ZBBX: variants seen among roughly 807,000 people sequenced by gnomAD.
The protein encoded by ZBBX is zinc finger B-box domain-containing protein 1.
ZBBX carries 101 observed loss-of-function variants against 108.5 expected under a neutral mutation model. That is an observed-to-expected ratio of 0.93 (90% CI 0.79 to 1.10). The LOEUF (loss-of-function observed/expected upper bound fraction) is 1.10, where lower values mean the gene tolerates loss of function less well. Ranked by LOEUF, ZBBX falls within the 50% of genes least tolerant of loss-of-function variation. The pLI is 0.00. For synonymous variants in ZBBX, 356 were observed against 323.4 expected (o/e 1.10, Z -1.08); for missense variants, 1,009 against 941.4 (o/e 1.07, Z -0.94).
rs183777743 is a variant in ZBBX, at chr3:167,389,673, A to G, written c.-445-9268T>C. ...CTGACTTTTTAATAATTGCCATTCT[A>G]ACTGGTGAGAGATGGTATCTCATTG... On this transcript the variant is annotated intron_variant, in intron 1 of 21. Coordinates refer to the ZBBX transcript ENST00000455345. 2.1e-3 allele frequency among the ~76,000 whole-genome samples: 314 copies of G among 152,232 alleles called. 1 individual carries two copies. Among genetic ancestry groups the G allele is most frequent in the Non-Finnish European group, 3.5e-3 (239 of 67,994 alleles).
At chr3:167,360,899 T>C (rs1320472149) in intron 6 of ZBBX, among the ~76,000 whole-genome samples, 176 bp from the exon 7 acceptor site, 1 of 151,918 alleles carries the variant, frequency 6.6e-6, no homozygotes, top group Non-Finnish European at 1.5e-5. Context: ...TACCTTTTAA[T>C]TAATCTAATA....
intron 20 of ZBBX, among the ~76,000 whole-genome samples, chr3:167,267,909 C>T (rs544765287): frequency 6.6e-6 from 1 of 151,860 alleles, no homozygotes; most frequent in South Asian, 2.1e-4. Flanking sequence ...GCAGCTGCTG[C>T]TGCCCTGGAT....
rs146434084 is a variant in ZBBX at position 167,307,190 on chromosome 3, G to A, written c.1418-1240C>T. Reference sequence around the variant, plus strand: ...CCAACATCATACTGAAAGGGCAAAAGTATTCCCCTTGAAAACTGGCACAAG... The same window carrying A: ...CCAACATCATACTGAAAGGGCAAAAATATTCCCCTTGAAAACTGGCACAAG... On this transcript the variant is annotated intron_variant, in intron 16 of 21. Coordinates refer to ENST00000675490, the MANE Select transcript of ZBBX (RefSeq NM_001199201.2). 1.6e-3 allele frequency among the ~76,000 whole-genome samples: 249 copies of A among 152,170 alleles called. 1 individual carries two copies. The highest frequency in any genetic ancestry group is 4.8e-3 in the African/African-American group (198 of 41,534).
the ZBBX span, among the ~76,000 whole-genome samples, chr3:167,181,628 T>C: frequency 7.2e-5 from 11 of 152,154 alleles, no homozygotes; most frequent in Non-Finnish European, 5.9e-5. Context: ...TGCTTCCAAA[T>C]CCTCCTGTTC....
chr3:167,186,016 T>C, the ZBBX span, among the ~76,000 whole-genome samples: 1 of 152,062 alleles, frequency 6.6e-6, no homozygotes, highest in Non-Finnish European at 1.5e-5. Context: ...GCAAAGGAGA[T>C]AAATACTTTA....
chr3:167,375,893 G>C (rs1746882934), intron 2 of ZBBX, among the ~76,000 whole-genome samples: 1 of 152,118 alleles, frequency 6.6e-6, no homozygotes, highest in African/African-American at 2.4e-5. Flanking sequence ...GACTAGTTAT[G>C]TTTGTACCTT....
In ZBBX at chr3:167,350,412, A is replaced by T; in HGVS notation, c.528+8T>A. 6.3e-7 allele frequency: 1 copy of T among 1,577,648 alleles called. No homozygotes were observed. Among genetic ancestry groups the T allele is most frequent in the Non-Finnish European group, 8.6e-7 (1 of 1,159,618 alleles). The stretch of plus-strand genomic sequence containing the variant: ...ACACTACAAGTAAATCATTTTAGAA[A>T]GCCATACCTGCAAAAGAGTTGTTCT... On this transcript the variant is annotated splice_region_variant and intron_variant, in intron 9 of 21. Coordinates refer to ENST00000675490, the MANE Select transcript of ZBBX (RefSeq NM_001199201.2).
chr3:167,183,669 A>G, the ZBBX span, among the ~76,000 whole-genome samples: 40,784 of 152,166 alleles, frequency 0.27, 5,580 homozygotes, highest in African/African-American at 0.3. Context: ...GTAATCCGCC[A>G]CAGGAACATG....
chr3:167,321,100 T>A (rs1736363516), intron 12 of ZBBX, among the ~76,000 whole-genome samples: 1 of 152,042 alleles, frequency 6.6e-6, no homozygotes, highest in Admixed American at 6.6e-5. Flanking sequence ...TGTAAGATGT[T>A]ACCATTAGAG....
chr3:167,306,408 T>C (rs1481645397), intron 16 of ZBBX, among the ~76,000 whole-genome samples: 1 of 152,070 alleles, frequency 6.6e-6, no homozygotes, highest in African/African-American at 2.4e-5. Flanking sequence ...AGAGCAGCAG[T>C]TGGGGGCACA....
the ZBBX span, among the ~76,000 whole-genome samples, chr3:167,230,274 C>T: frequency 7.9e-5 from 12 of 151,868 alleles, no homozygotes; most frequent in Non-Finnish European, 1.6e-4. Context: ...TAAATCTTTG[C>T]AAAGAAAAAC....
At chr3:167,367,402 A>G (rs1745479364) in intron 5 of ZBBX, among the ~76,000 whole-genome samples, 2 of 151,910 alleles carry the variant, frequency 1.3e-5, no homozygotes, top group East Asian at 3.8e-4. Flanking sequence ...GATACTAAAA[A>G]CATAATAAAG....
chr3:167,299,995 AAC>A (rs1447391737), intron 17 of ZBBX, among the ~76,000 whole-genome samples: 2 of 152,178 alleles, frequency 1.3e-5, no homozygotes, highest in Admixed American at 1.3e-4. Context: ...CTTGTGATCC[AAC>A]AACTTAATTA....
chr3:167,364,404 C>T (rs996291943), intron 6 of ZBBX, among the ~76,000 whole-genome samples: 1 of 151,960 alleles, frequency 6.6e-6, no homozygotes, highest in Non-Finnish European at 1.5e-5. Flanking sequence ...CCTTTACTTT[C>T]GTCCTTATAA....
the ZBBX span, among the ~76,000 whole-genome samples, chr3:167,228,544 G>A: frequency 4.6e-5 from 7 of 151,886 alleles, no homozygotes; most frequent in African/African-American, 1.4e-4. Flanking sequence ...TAGTTTCTGT[G>A]ACCAAAACTT....
chr3:167,282,549 A>G, intron 19 of ZBBX, 54 bp from the exon 20 acceptor site: 2 of 1,442,414 alleles, frequency 1.4e-6, no homozygotes, highest in Non-Finnish European at 1.9e-6. Flanking sequence ...TTGAATGAGT[A>G]CTTAAAGATA....
At chr3:167,283,371 T>G (rs898223972) in intron 19 of ZBBX, among the ~76,000 whole-genome samples, 1 of 152,192 alleles carries the variant, frequency 6.6e-6, no homozygotes, top group East Asian at 1.9e-4. Flanking sequence ...AATGCTTTAA[T>G]GTAATAAATT....
downstream of ZBBX, among the ~76,000 whole-genome samples, chr3:167,237,871 A>G (rs1208549278): frequency 6.6e-6 from 1 of 151,980 alleles, no homozygotes; most frequent in Non-Finnish European, 1.5e-5. Flanking sequence ...GCAGCATCAT[A>G]TAAAATGATC....
intron 18 of ZBBX, among the ~76,000 whole-genome samples, chr3:167,294,696 G>A (rs919614494): frequency 6.6e-6 from 1 of 152,042 alleles, no homozygotes; most frequent in Non-Finnish European, 1.5e-5. Flanking sequence ...TAGACAAATG[G>A]GATCTAATTA....
Sources: gnomAD v4.1 joint callset for allele counts (sites outside exome capture counted in the v4.1 genomes callset) on GRCh38, gnomAD v4.1.1 for gene constraint, MANE v1.5 for transcripts, NCBI Gene and HGNC (gene_info 2026-07-23, HGNC 2026-07-21) for gene names.